MAML3: variants seen among roughly 807,000 people sequenced by gnomAD.
MAML3 encodes mastermind like transcriptional coactivator 3, also known as mastermind-like protein 3.
In MAML3, 27 loss-of-function variants were observed where a neutral mutation model predicts 101.9. The observed-to-expected ratio is 0.27, with a 90% CI of 0.20 to 0.37. The LOEUF (loss-of-function observed/expected upper bound fraction) is 0.37, where lower values mean the gene tolerates loss of function less well. Among genes scored for constraint, MAML3 ranks in the 10% least tolerant of loss-of-function variants. MAML3 has a pLI of 1.00. For missense variants in MAML3, 1,316 were observed against 1,444.9 expected, an observed-to-expected ratio of 0.91 and a Z score of 1.45; for synonymous variants, 501 against 555.9, an observed-to-expected ratio of 0.90 and a Z score of 1.39.
rs183576066 is a variant in MAML3, at chr4:140,000,023, G to A, written c.469-109056C>T. 1.6e-3 allele frequency among the ~76,000 whole-genome samples: 251 copies of A among 152,174 alleles called. 2 individuals carry two copies. Among genetic ancestry groups the A allele is most frequent in the Admixed American group, 0.011 (161 of 15,280 alleles). ...CATATGAAGAATATGATTAATGACC[G>A]TTTTTTAAAAGTCTCTCCCCCAAAA... On this transcript the variant is annotated intron_variant, in intron 1 of 4. Transcript: ENST00000509479.
chr4:139,809,865 T>TACACACACAC (rs71584333), intron 2 of MAML3, among the ~76,000 whole-genome samples: 5,722 of 142,982 alleles, frequency 0.04, 154 homozygotes, highest in Middle Eastern at 0.068. Context: ...TACCTGCACG[T>TACACACACAC]ACACACACAC....
intron 1 of MAML3, among the ~76,000 whole-genome samples, chr4:140,049,113 C>T (rs902470898): frequency 2.0e-5 from 3 of 152,138 alleles, no homozygotes; most frequent in Non-Finnish European, 2.9e-5. Context: ...ATCTGCTGCT[C>T]TGTGATTGCA....
At chr4:140,099,680 T>G (rs568855178) in intron 1 of MAML3, among the ~76,000 whole-genome samples, 3 of 152,094 alleles carry the variant, frequency 2.0e-5, no homozygotes, top group African/African-American at 7.2e-5. Flanking sequence ...TTGGTGAAAA[T>G]TAAATTAGAT....
In MAML3 at chr4:140,072,698, G is replaced by A. The variant is rs183442796; in HGVS notation, c.468+80162C>T. ...AAAAAAAAAAAAAAAGTATACAGGA[G>A]GACGTCCGTAAGTTATATGCAAATA... On this transcript the variant is annotated intron_variant, in intron 1 of 4. Transcript: ENST00000509479. 4.0e-5 allele frequency among the ~76,000 whole-genome samples: 6 copies of A among 151,884 alleles called. No homozygotes were observed. The East Asian group carries it at 1.2e-3, about 29-fold the overall frequency.
At chr4:139,795,018 C>T (rs1342365824) in intron 2 of MAML3, among the ~76,000 whole-genome samples, 2 of 152,180 alleles carry the variant, frequency 1.3e-5, no homozygotes, top group Non-Finnish European at 2.9e-5. Flanking sequence ...TAGACAGTGA[C>T]TGAGACTGAA....
intron 2 of MAML3, chr4:139,794,238 A>G (rs1418363599): frequency 6.6e-6 from 1 of 152,216 alleles, no homozygotes; most frequent in African/African-American, 2.4e-5. Context: ...GATAACAGAC[A>G]AAGTCATCAC....
intron 1 of MAML3, among the ~76,000 whole-genome samples, chr4:140,071,755 T>TAGAGAGAGGG (rs1727657941): frequency 7.3e-6 from 1 of 137,270 alleles, no homozygotes; most frequent in Admixed American, 7.6e-5. Flanking sequence ...GGACCAGGAT[T>TAGAGAGAGGG]AGAGAGAGAG....
chr4:139,998,203 T>C (rs190561050), intron 1 of MAML3, among the ~76,000 whole-genome samples: 1 of 152,318 alleles, frequency 6.6e-6, no homozygotes, highest in East Asian at 1.9e-4. Flanking sequence ...TACTCCTTTG[T>C]TCTTCAAATT....
rs761268938 is a variant in MAML3 at position 140,153,206 on chromosome 4, G to C, written c.122C>G (p.Pro41Arg). 1.3e-6 allele frequency: 2 copies of C among 1,559,768 alleles called. No individual in the cohort carries two copies. The highest frequency in any genetic ancestry group is 1.7e-6 in the Non-Finnish European group (2 of 1,151,434). ...CGGGTGATTGCTACTCGGAGCAGCG[G>C]GAGTACTATTGGGAGTATTATTCAC... ...IGVNNTPNSTPAAPSSNHPAA... is the reference protein window; with the variant it reads ...IGVNNTPNSTRAAPSSNHPAA... The change falls in exon 1 of 5, where the codon CCC (proline) becomes CGC (arginine). Residue 41 changes from proline (P) to arginine (R), a missense_variant. Coordinates refer to ENST00000509479, the MANE Select transcript of MAML3 (RefSeq NM_018717.5).
intron 1 of MAML3, among the ~76,000 whole-genome samples, chr4:139,973,232 T>C (rs556035888): frequency 3.9e-5 from 6 of 152,220 alleles, no homozygotes; most frequent in Non-Finnish European, 7.3e-5. Flanking sequence ...GTCACTAATA[T>C]TGGGCTTTAA....
chr4:139,977,126 T>G (rs922815921), intron 1 of MAML3, among the ~76,000 whole-genome samples: 1 of 152,148 alleles, frequency 6.6e-6, no homozygotes, highest in African/African-American at 2.4e-5. Context: ...GAAGGCACCA[T>G]CTATGAACCA....
chr4:140,089,616 T>C (rs1375469986), intron 1 of MAML3, among the ~76,000 whole-genome samples: 3 of 152,218 alleles, frequency 2.0e-5, no homozygotes, highest in South Asian at 2.1e-4. Context: ...GAATCTCAAA[T>C]GCACAATGCT....
intron 1 of MAML3, among the ~76,000 whole-genome samples, chr4:139,909,310 G>A (rs1234982682): frequency 6.6e-6 from 1 of 152,180 alleles, no homozygotes; most frequent in Admixed American, 6.5e-5. Context: ...CTCTGCAGTG[G>A]TGACTTCTCT....
At chr4:139,731,613 T>C (rs1728728124) in intron 2 of MAML3, among the ~76,000 whole-genome samples, 1 of 151,756 alleles carries the variant, frequency 6.6e-6, no homozygotes, top group South Asian at 2.1e-4. Context: ...TGAGACTCTT[T>C]CTCAAAAAAA....
chr4:140,018,904 A>G (rs1213274551), intron 1 of MAML3, among the ~76,000 whole-genome samples: 2 of 151,698 alleles, frequency 1.3e-5, no homozygotes, highest in Non-Finnish European at 1.5e-5. Flanking sequence ...AATAAACTAG[A>G]AATAAAAAAG....
At chr4:139,724,659 T>C (rs1728391888) in intron 4 of MAML3, among the ~76,000 whole-genome samples, 1 of 152,036 alleles carries the variant, frequency 6.6e-6, no homozygotes, top group Admixed American at 6.6e-5. Context: ...GGGCAGAGGA[T>C]GGGATTAGGA....
chr4:139,962,194 A>G (rs1465326394), intron 1 of MAML3, among the ~76,000 whole-genome samples: 6 of 151,916 alleles, frequency 3.9e-5, no homozygotes, highest in Non-Finnish European at 8.8e-5. Context: ...TAAACCTATA[A>G]CTTTCTCTGT....
chr4:139,724,521 T>C (rs1728387644), intron 4 of MAML3, among the ~76,000 whole-genome samples: 1 of 152,226 alleles, frequency 6.6e-6, no homozygotes, highest in Non-Finnish European at 1.5e-5. Context: ...TGTGAAATTA[T>C]ATAAAAGTTT....
chr4:140,061,359 A>C (rs1727446003), intron 1 of MAML3, among the ~76,000 whole-genome samples: 1 of 152,244 alleles, frequency 6.6e-6, no homozygotes, highest in Non-Finnish European at 1.5e-5. Context: ...GGGAGACTGC[A>C]TTCACTGTCT....
Sources: gnomAD v4.1 joint callset for allele counts (sites outside exome capture counted in the v4.1 genomes callset) on GRCh38, gnomAD v4.1.1 for gene constraint, MANE v1.5 for transcripts, NCBI Gene and HGNC (gene_info 2026-07-23, HGNC 2026-07-21) for gene names.